RIC1: variants seen among roughly 807,000 people sequenced by gnomAD.
RIC1 encodes RIC1 partner of RAB6A GEF complex, also known as guanine nucleotide exchange factor subunit RIC1.
Under a neutral mutation model 169.0 loss-of-function variants are expected in RIC1, and 88 were observed. That is an observed-to-expected ratio of 0.52 (90% CI 0.44 to 0.62). The LOEUF (loss-of-function observed/expected upper bound fraction) is 0.62. RIC1 is among the 20% of genes least tolerant of loss of function. The pLI is 0.00. For missense variants in RIC1, 1,877 were observed against 1,725.5 expected (o/e 1.09, Z -1.56); for synonymous variants, 790 against 601.5 (o/e 1.31, Z -4.59).
At chr9:5,689,286 C>T (rs956368900) in intron 2 of RIC1, among the ~76,000 whole-genome samples, 17 of 152,112 alleles carry the variant, frequency 1.1e-4, no homozygotes, top group South Asian at 8.3e-4. Flanking sequence ...CTCCTGACCT[C>T]GTGATCTGCC....
At position 5,705,418 on chromosome 9, in the gene RIC1, G is replaced by C. The variant is rs117882352; in HGVS notation, c.333-8478G>C. On this transcript the variant is annotated intron_variant, in intron 3 of 25. Coordinates refer to ENST00000414202, the MANE Select transcript of RIC1 (RefSeq NM_020829.4). ...TATTTTATTCCTTTTTGATGCTATT[G>C]TAAATGGAGTTGTTTTCTGAAATTT... is the stretch of plus-strand genomic sequence containing the variant. 3.5e-3 allele frequency among the ~76,000 whole-genome samples: 533 copies of C among 152,050 alleles called. 2 individuals are homozygous for C. Among genetic ancestry groups the C allele is most frequent in the South Asian group, 0.017 (84 of 4,814 alleles).
intron 6 of RIC1, among the ~76,000 whole-genome samples, chr9:5,728,969 C>A (rs1443786958): frequency 6.6e-6 from 1 of 152,048 alleles, no homozygotes; most frequent in African/African-American, 2.4e-5. Flanking sequence ...GAGTTATTTA[C>A]TTGGGGGTCC....
intron 3 of RIC1, chr9:5,713,574 C>A: frequency 4.8e-6 from 1 of 209,622 alleles, no homozygotes; most frequent in Non-Finnish European, 9.6e-6. Flanking sequence ...TAGAAAGGGC[C>A]CTCAGGAATT....
chr9:5,629,659 T>C (rs1817621325), intron 1 of RIC1, among the ~76,000 whole-genome samples: 1 of 151,920 alleles, frequency 6.6e-6, no homozygotes, highest in African/African-American at 2.4e-5. Flanking sequence ...CCGGGGTGGA[T>C]GAAGTCGCTG....
chr9:5,760,720 A>G (rs1421158677), intron 17 of RIC1, among the ~76,000 whole-genome samples: 1 of 152,114 alleles, frequency 6.6e-6, no homozygotes, highest in Admixed American at 6.5e-5. Flanking sequence ...TAGATAACCA[A>G]TTTTTTTATT....
chr9:5,717,233 T>C (rs193195674), intron 4 of RIC1, among the ~76,000 whole-genome samples: 347 of 152,314 alleles, frequency 2.3e-3, no homozygotes, highest in African/African-American at 7.9e-3. Flanking sequence ...GATTATGAAC[T>C]CTTAATTTTG....
At chr9:5,718,949 G>A (rs1315122038) in intron 4 of RIC1, 1 of 152,016 alleles carries the variant, frequency 6.6e-6, no homozygotes, top group African/African-American at 2.4e-5. Context: ...TAAAGGTTTA[G>A]TTTAAGAATT....
intron 11 of RIC1, 31 bp from the exon 12 acceptor site, chr9:5,747,271 T>C (rs1446160699): frequency 4.5e-6 from 7 of 1,566,044 alleles, no homozygotes; most frequent in Non-Finnish European, 5.3e-6. Flanking sequence ...TTTTCCTCCT[T>C]TGCCCTTTTG....
chr9:5,694,855 C>T (rs942657574), intron 3 of RIC1, among the ~76,000 whole-genome samples: 6 of 149,594 alleles, frequency 4.0e-5, no homozygotes, highest in African/African-American at 1.5e-4. Context: ...TTTCAAAAAA[C>T]TCTTCTGAAA....
At chr9:5,691,065 A>G (rs1821566732) in intron 3 of RIC1, among the ~76,000 whole-genome samples, 1 of 152,016 alleles carries the variant, frequency 6.6e-6, no homozygotes, top group Admixed American at 6.5e-5. Flanking sequence ...CACTTCTGAT[A>G]CACAAAGGTG....
chr9:5,692,326 C>A (rs1356447969), intron 3 of RIC1, among the ~76,000 whole-genome samples: 2 of 152,018 alleles, frequency 1.3e-5, no homozygotes, highest in Non-Finnish European at 2.9e-5. Context: ...CAGTAGTAAT[C>A]ATCTCATAAG....
At chr9:5,629,890 G>C (rs1301821154) in intron 1 of RIC1, among the ~76,000 whole-genome samples, 1 of 152,202 alleles carries the variant, frequency 6.6e-6, no homozygotes, top group African/African-American at 2.4e-5. Flanking sequence ...AAAGCCTCTT[G>C]GGCTTTACCC....
At chr9:5,727,451 A>T (rs974052239) in intron 6 of RIC1, among the ~76,000 whole-genome samples, 1 of 152,070 alleles carries the variant, frequency 6.6e-6, no homozygotes, top group Non-Finnish European at 1.5e-5. Context: ...ATCTTTTTTC[A>T]AGATTTTTTG....
intron 23 of RIC1, among the ~76,000 whole-genome samples, chr9:5,770,996 G>A (rs1827180150): frequency 6.6e-6 from 1 of 152,120 alleles, no homozygotes; most frequent in Non-Finnish European, 1.5e-5. Context: ...TTGATTATCA[G>A]TCTGTCATCA....
At chr9:5,768,909 T>C in intron 21 of RIC1, 61 bp from the exon 22 acceptor site, 1 of 1,517,014 alleles carries the variant, frequency 6.6e-7, no homozygotes, top group East Asian at 2.3e-5. Context: ...CTCTGCGTAA[T>C]AAGGATGTGA....
intron 3 of RIC1, among the ~76,000 whole-genome samples, chr9:5,711,925 A>T (rs548954328): frequency 1.3e-5 from 2 of 152,276 alleles, no homozygotes; most frequent in East Asian, 3.9e-4. Context: ...ATATGGCTGC[A>T]TAGTATTCCA....
At chr9:5,703,157 G>A (rs754267303) in intron 3 of RIC1, among the ~76,000 whole-genome samples, 1 of 152,124 alleles carries the variant, frequency 6.6e-6, no homozygotes, top group African/African-American at 2.4e-5. Context: ...GACAAAACTA[G>A]TCTCTTCTGC....
At chr9:5,755,306 T>C (rs72693746) in intron 15 of RIC1, among the ~76,000 whole-genome samples, 2,615 of 152,296 alleles carry the variant, frequency 0.017, 34 homozygotes, top group Admixed American at 0.034. Context: ...TCCAAGACCA[T>C]CAGTGGATGC....
chr9:5,690,826 A>G (rs186805579), intron 3 of RIC1, among the ~76,000 whole-genome samples: 261 of 152,124 alleles, frequency 1.7e-3, no homozygotes, highest in African/African-American at 5.8e-3. Context: ...TAAATTGCCA[A>G]TAAGCACACA....
Sources: gnomAD v4.1 joint callset for allele counts (sites outside exome capture counted in the v4.1 genomes callset) on GRCh38, gnomAD v4.1.1 for gene constraint, MANE v1.5 for transcripts, NCBI Gene and HGNC (gene_info 2026-07-23, HGNC 2026-07-21) for gene names.